RASAL2: variants seen among roughly 807,000 people sequenced by gnomAD.
RASAL2 encodes RAS protein activator like 2.
A neutral mutation model predicts 128.9 loss-of-function variants in RASAL2; 58 were observed. The ratio of observed to expected loss-of-function variants is 0.45; its 90% CI spans 0.36 to 0.56. The LOEUF (loss-of-function observed/expected upper bound fraction) is 0.56. Ranked by LOEUF, RASAL2 falls within the 20% of genes least tolerant of loss-of-function variation. The pLI is 0.00. For missense variants in RASAL2, 1,360 were observed against 1,601.6 expected (o/e 0.85, Z 2.57); for synonymous variants, 561 against 580.8 (o/e 0.97, Z 0.49).
intron 2 of RASAL2, among the ~76,000 whole-genome samples, chr1:178,287,664 TA>T (rs1667095219): frequency 6.6e-6 from 1 of 151,922 alleles, no homozygotes. Context: ...TACTCAGCCA[TA>T]AAAAGGAATG....
chr1:178,459,559 A>G (rs1037449766), intron 14 of RASAL2, among the ~76,000 whole-genome samples: 2 of 152,158 alleles, frequency 1.3e-5, no homozygotes, highest in African/African-American at 4.8e-5. Context: ...TATCTGTTAT[A>G]TATTTGCATT....
intron 3 of RASAL2, among the ~76,000 whole-genome samples, chr1:178,343,029 T>G (rs552197150): frequency 6.6e-6 from 1 of 152,332 alleles, no homozygotes; most frequent in Admixed American, 6.5e-5. Context: ...GAGGCCACAC[T>G]ATTCTAGTGA....
chr1:178,383,632 T>A (rs1672398556), intron 3 of RASAL2, among the ~76,000 whole-genome samples: 1 of 152,202 alleles, frequency 6.6e-6, no homozygotes, highest in Admixed American at 6.5e-5. Flanking sequence ...AAAGCCCCTC[T>A]ACTGAAGAGC....
At chr1:178,209,896 A>G (rs562093321) in intron 1 of RASAL2, among the ~76,000 whole-genome samples, 11 of 151,172 alleles carry the variant, frequency 7.3e-5, no homozygotes, top group Non-Finnish European at 3.0e-5. Flanking sequence ...CTTTTTATTT[A>G]TTTCTATTTG....
At chr1:178,290,067 T>G (rs1197102287) in intron 2 of RASAL2, among the ~76,000 whole-genome samples, 1 of 152,236 alleles carries the variant, frequency 6.6e-6, no homozygotes, top group Non-Finnish European at 1.5e-5. Context: ...AATATATTTT[T>G]TATAGCATTT....
At chr1:178,353,663 T>G (rs1670642116) in intron 3 of RASAL2, among the ~76,000 whole-genome samples, 2 of 152,208 alleles carry the variant, frequency 1.3e-5, no homozygotes, top group South Asian at 4.1e-4. Context: ...AGTGCCCAAC[T>G]CTTCAGTACT....
intron 17 of RASAL2, 67 bp downstream of exon 17, chr1:178,467,488 C>A: frequency 2.1e-6 from 3 of 1,406,430 alleles, no homozygotes; most frequent in South Asian, 2.4e-5. Context: ...GACTTCACAC[C>A]CTTGCAAATG....
intron 1 of RASAL2, among the ~76,000 whole-genome samples, chr1:178,263,491 C>G (rs1665792344): frequency 6.6e-6 from 1 of 152,180 alleles, no homozygotes; most frequent in African/African-American, 2.4e-5. Flanking sequence ...ACTCCAAAGT[C>G]TGTGCTCTTA....
intron 2 of RASAL2, among the ~76,000 whole-genome samples, chr1:178,284,789 G>T (rs904808239): frequency 3.8e-4 from 58 of 152,214 alleles, no homozygotes; most frequent in Non-Finnish European, 5.4e-4. Flanking sequence ...TGAAAGGGAA[G>T]GAGAAGATAT....
At chr1:178,198,410 G>T (rs1346051469) in intron 1 of RASAL2, among the ~76,000 whole-genome samples, 1 of 152,158 alleles carries the variant, frequency 6.6e-6, no homozygotes, top group African/African-American at 2.4e-5. Context: ...TTCTGCTCTG[G>T]TTTCTCCCCA....
At chr1:178,199,918 C>A (rs1051209913) in intron 1 of RASAL2, among the ~76,000 whole-genome samples, 1 of 152,118 alleles carries the variant, frequency 6.6e-6, no homozygotes, top group African/African-American at 2.4e-5. Context: ...GGCAGAAGAT[C>A]GTGGAGAGAT....
At chr1:178,299,880 C>T in intron 2 of RASAL2, 112 bp from the exon 3 acceptor site, 2 of 1,058,616 alleles carry the variant, frequency 1.9e-6, no homozygotes, top group Non-Finnish European at 2.7e-6. Context: ...ATTTCTCCTG[C>T]CTTACTCTTT....
At chr1:178,344,299 A>G (rs890471497) in intron 3 of RASAL2, among the ~76,000 whole-genome samples, 1 of 152,192 alleles carries the variant, frequency 6.6e-6, no homozygotes, top group African/African-American at 2.4e-5. Flanking sequence ...TGCTGTTGCA[A>G]TTTCTTTCTA....
At chr1:178,147,334 C>T (rs1246969863) in intron 1 of RASAL2, among the ~76,000 whole-genome samples, 1 of 151,674 alleles carries the variant, frequency 6.6e-6, no homozygotes, top group African/African-American at 2.4e-5. Context: ...ACTAAAAATA[C>T]AAAAAATTAG....
intron 1 of RASAL2, among the ~76,000 whole-genome samples, chr1:178,186,613 A>G (rs906888543): frequency 9.2e-5 from 14 of 151,568 alleles, no homozygotes; most frequent in African/African-American, 3.2e-4. Flanking sequence ...TCATTCTCCT[A>G]TTTGTTCCCC....
intron 3 of RASAL2, among the ~76,000 whole-genome samples, chr1:178,328,227 G>A (rs1237176559): frequency 6.6e-6 from 1 of 151,816 alleles, no homozygotes; most frequent in Non-Finnish European, 1.5e-5. Context: ...CTTTTTAATT[G>A]TGAGTCTCTT....
At chr1:178,185,568 A>T (rs1468112154) in intron 1 of RASAL2, among the ~76,000 whole-genome samples, 1 of 151,550 alleles carries the variant, frequency 6.6e-6, no homozygotes, top group Non-Finnish European at 1.5e-5. Flanking sequence ...AACTCATGTC[A>T]TGGGGAGTGA....
chr1:178,229,317 G>A (rs971435141), intron 1 of RASAL2, among the ~76,000 whole-genome samples: 15 of 152,096 alleles, frequency 9.9e-5, no homozygotes, highest in African/African-American at 3.4e-4. Context: ...TCCCAATAAT[G>A]TCTTTCATAA....
Position 178,094,592 on chromosome 1 carries a change from C to G in RASAL2, c.100C>G (p.Leu34Val). ...ESDSPLPPED[L>V]DAVVPVSGAV... is the part of the protein sequence containing the mutation. ...CGACTCGCCGCTGCCCCCGGAGGAC[C>G]TGGACGCGGTTGTCCCAGTCAGTGG... is the stretch of plus-strand genomic sequence containing the variant. Residue 34 changes from leucine (L) to valine (V), a missense_variant, in exon 1 of 18, where the codon CTG becomes GTG. Transcript: ENST00000367649. 1 of 1,610,884 alleles carries G rather than the reference C, an allele frequency of 6.2e-7. No individual in the cohort carries two copies. Among genetic ancestry groups the G allele is most frequent in the African/African-American group, 1.3e-5 (1 of 74,968 alleles).
Sources: allele counts gnomAD v4.1 joint callset (sites outside exome capture counted in the v4.1 genomes callset), GRCh38; gene constraint gnomAD v4.1.1; transcripts MANE v1.5; gene names NCBI Gene and HGNC (gene_info 2026-07-23, HGNC 2026-07-21).